The following CCPG1 variants were observed in gnomAD, a reference collection of about 807,000 sequenced individuals.
CCPG1 encodes cell cycle progression 1, also known as cell cycle progression protein 1.
Under a neutral mutation model 81.3 loss-of-function variants are expected in CCPG1, and 46 were observed. The ratio of observed to expected loss-of-function variants is 0.57; its 90% CI spans 0.45 to 0.72. CCPG1 has a LOEUF of 0.72. Ranked by LOEUF, CCPG1 falls within the 30% of genes least tolerant of loss-of-function variation. CCPG1 has a pLI of 0.00. For synonymous variants in CCPG1, 330 were observed against 305.2 expected (o/e 1.08, Z -0.85); for missense variants, 902 against 937.6 (o/e 0.96, Z 0.50).
intron 1 of CCPG1, among the ~76,000 whole-genome samples, chr15:55,391,307 C>T (rs753475669): frequency 2.0e-5 from 3 of 152,074 alleles, no homozygotes; most frequent in East Asian, 1.9e-4. Context: ...GTAGAGACAA[C>T]GTTTGGCCAT....
intron 1 of CCPG1, among the ~76,000 whole-genome samples, chr15:55,405,124 G>C (rs7171766): frequency 6.6e-6 from 1 of 152,072 alleles, no homozygotes; most frequent in East Asian, 1.9e-4. Flanking sequence ...ACTTTAGAAG[G>C]CTGAGGCAGG....
At chr15:55,394,100 C>G (rs542337202) in intron 1 of CCPG1, among the ~76,000 whole-genome samples, 4 of 152,168 alleles carry the variant, frequency 2.6e-5, no homozygotes, top group Non-Finnish European at 5.9e-5. Context: ...AGTAGATGCT[C>G]CCATCTCAGC....
Position 55,359,593 on chromosome 15 carries a change from T to A in CCPG1, c.2180A>T (p.Glu727Val), listed in dbSNP as rs1228660218. ...ACCAAAGAAGTGTCTATATATATAT[T>A]CATCCAACTTCTCAAATACTCCATC... is the stretch of plus-strand genomic sequence containing the variant. ...DNDGVFEKLD[E>V]YIYRHFFGHT... Residue 727 changes from glutamate to valine, a missense_variant, in exon 8 of 9, where the codon GAA (glutamate) becomes GTA (valine). Around this residue, in one of 3 missense-constraint regions of CCPG1, gnomAD observed 128 missense variants for 161.2 expected, o/e 0.79. Transcript: ENST00000442196. 3 of 1,613,112 alleles carry A rather than the reference T, an allele frequency of 1.9e-6. No homozygotes were observed. In the Admixed American group the frequency reaches 5.0e-5, roughly 27 times the overall value.
chr15:55,389,287 A>C, intron 2 of CCPG1, 78 bp downstream of exon 2: 1 of 1,023,890 alleles, frequency 9.8e-7, no homozygotes, highest in Non-Finnish European at 1.5e-6. Context: ...AAAAAGACTG[A>C]TCTTCAAAGA....
chr15:55,367,992 C>A (rs2056366620), intron 6 of CCPG1, among the ~76,000 whole-genome samples: 1 of 152,132 alleles, frequency 6.6e-6, no homozygotes, highest in Admixed American at 6.6e-5. Context: ...TAGCAGGTTA[C>A]TCAATAAATC....
rs967026173 is a variant in CCPG1 at position 55,359,053 on chromosome 15, TATC to T, written c.2234+483_2234+485del. 5.1e-6 allele frequency: 5 copies of T among 984,540 alleles called. No individual in the cohort carries two copies. In the African/African-American group the frequency reaches 8.7e-5, roughly 17 times the overall value. The allele number at this position is 984,540 out of a possible 1,614,324, so 61.0% of individuals were successfully genotyped here. A position where few individuals can be genotyped will look rare whatever the true frequency, so the allele number is the denominator to read the frequency against. On this transcript the variant is annotated intron_variant, in intron 8 of 8. Coordinates refer to ENST00000442196, the MANE Select transcript of CCPG1 (RefSeq NM_001204450.2). ...TATCAAAGATAATTATGTGACTAAG[TATC>T]ATAACTAAGCTGGTACATGGAATGG...
At chr15:55,367,543 G>C (rs1381999041) in intron 6 of CCPG1, among the ~76,000 whole-genome samples, 1 of 151,672 alleles carries the variant, frequency 6.6e-6, no homozygotes, top group Non-Finnish European at 1.5e-5. Context: ...AGAATTCCAA[G>C]CTACAGATCT....
Position 55,372,101 on chromosome 15 carries a change from T to G in CCPG1, c.455-57A>C, listed in dbSNP as rs918834048. ...CAAAATCTTGGAAAAGCTTTCCCAG[T>G]AAAAATTATTTAGAATAATCAATGC... On this transcript the variant is annotated intron_variant, in intron 5 of 8. Transcript: ENST00000442196. 8.5e-6 allele frequency: 13 copies of G among 1,527,802 alleles called. No individual in the cohort carries two copies. The African/African-American group carries it at 1.5e-4, about 18-fold the overall frequency. The allele number at this position is 1,527,802 out of a possible 1,614,324, so 94.6% of individuals were successfully genotyped here.
rs138675116 is a variant in CCPG1, at chr15:55,357,076, G to A, written c.2235-667C>T. 4 of 985,294 alleles carry A rather than the reference G, an allele frequency of 4.1e-6. No individual in the cohort carries two copies. In the African/African-American group the frequency reaches 5.2e-5, roughly 13 times the overall value. The allele number at this position is 985,294 out of a possible 1,614,324, so 61.0% of individuals were successfully genotyped here. A position where few individuals can be genotyped will look rare whatever the true frequency, so the allele number is the denominator to read the frequency against. On this transcript the variant is annotated intron_variant, in intron 8 of 8. Transcript: ENST00000442196. ...CATGGATGTTGGTGTTCTCCCAGGA[G>A]TCTGATAAATATACAGTCTCGGCAA... is the stretch of plus-strand genomic sequence containing the variant.
At chr15:55,372,271 A>T in intron 5 of CCPG1, 1 of 567,208 alleles carries the variant, frequency 1.8e-6, no homozygotes, top group East Asian at 3.0e-5. Context: ...TAATCATACT[A>T]TTTGGTGCTT....
chr15:55,385,690 A>G lies in CCPG1; in HGVS notation c.85T>C (p.Ser29Pro). 6.2e-7 allele frequency: 1 copy of G among 1,608,050 alleles called. No individual in the cohort carries two copies. The highest frequency in any genetic ancestry group is 8.5e-7 in the Non-Finnish European group (1 of 1,174,578). The change falls in exon 3 of 9, where the codon TCT becomes CCT. Residue 29 changes from serine (S) to proline (P), a missense_variant. Physicochemically the swap from Ser to Pro is moderately conservative, Grantham distance 74. Coordinates refer to ENST00000442196, the MANE Select transcript of CCPG1 (RefSeq NM_001204450.2). ...HEGSDIEMLN[S>P]VTPTDSCEPA... The stretch of plus-strand genomic sequence containing the variant: ...TCACAGCTGTCAGTGGGGGTCACAG[A>G]ATTCAACATTTCTATATCTGACCCC...
intron 1 of CCPG1, among the ~76,000 whole-genome samples, chr15:55,392,574 G>T (rs114533576): frequency 1.8e-3 from 273 of 151,948 alleles, no homozygotes; most frequent in African/African-American, 6.4e-3. Context: ...AGGCTGGAGG[G>T]CAGTGACATG....
chr15:55,376,429 A>G (rs1285967787), intron 5 of CCPG1, among the ~76,000 whole-genome samples: 1 of 152,216 alleles, frequency 6.6e-6, no homozygotes, highest in Non-Finnish European at 1.5e-5. Context: ...AATCTAAAAC[A>G]AAAGATCTGA....
chr15:55,388,645 G>C (rs1315012883), intron 2 of CCPG1, among the ~76,000 whole-genome samples: 1 of 152,072 alleles, frequency 6.6e-6, no homozygotes, highest in African/African-American at 2.4e-5. Context: ...TATGCCTATA[G>C]TCCCAGCTAC....
In CCPG1 at chr15:55,377,039, C is replaced by G. The variant is rs1416069835; in HGVS notation, c.364G>C (p.Val122Leu). 6.2e-7 allele frequency: 1 copy of G among 1,613,888 alleles called. No homozygotes were observed. Among genetic ancestry groups the G allele is most frequent in the Admixed American group, 1.7e-5 (1 of 60,022 alleles). Reference protein sequence around the residue: ...PKLEEIGNQEVVIVEEAQSSE... With the variant: ...PKLEEIGNQELVIVEEAQSSE... Reference sequence around the variant, plus strand: ...CTCTGTGCTTCTTCAACAATGACAACTTCTTGATTTCCAATTTCTTCTAAC... The same window carrying G: ...CTCTGTGCTTCTTCAACAATGACAAGTTCTTGATTTCCAATTTCTTCTAAC... The change falls in exon 5 of 9, where the codon GTT becomes CTT. Residue 122 changes from valine to leucine, a missense_variant. Around this residue, in one of 3 missense-constraint regions of CCPG1, gnomAD observed 746 missense variants for 728.6 expected, o/e 1.02. Coordinates refer to ENST00000442196, the MANE Select transcript of CCPG1 (RefSeq NM_001204450.2).
At chr15:55,365,733 A>T (rs1397750332) in intron 6 of CCPG1, among the ~76,000 whole-genome samples, 2 of 151,910 alleles carry the variant, frequency 1.3e-5, no homozygotes, top group African/African-American at 4.8e-5. Flanking sequence ...TAATCTTGAC[A>T]ATCATTTCAT....
chr15:55,362,664 TA>T (rs1168116477), intron 7 of CCPG1, among the ~76,000 whole-genome samples: 1 of 152,196 alleles, frequency 6.6e-6, no homozygotes, highest in Non-Finnish European at 1.5e-5. Flanking sequence ...AAGTGATTGA[TA>T]AGCAGATCCT....
intron 1 of CCPG1, among the ~76,000 whole-genome samples, chr15:55,394,701 T>C (rs1352811701): frequency 6.6e-6 from 1 of 151,982 alleles, no homozygotes; most frequent in East Asian, 1.9e-4. Flanking sequence ...TCTGAATAAA[T>C]ACAGAAATTG....
At chr15:55,398,644 C>T (rs866727534) in intron 1 of CCPG1, among the ~76,000 whole-genome samples, 3 of 151,824 alleles carry the variant, frequency 2.0e-5, no homozygotes, top group Admixed American at 1.3e-4. Context: ...AGCAGTGGCG[C>T]GATCTCGGCT....
Sources: gnomAD v4.1 joint callset for allele counts (sites outside exome capture counted in the v4.1 genomes callset) on GRCh38, gnomAD v4.1.1 for gene constraint, gnomAD v4.1.1 regional missense constraint, MANE v1.5 for transcripts, NCBI Gene and HGNC (gene_info 2026-07-23, HGNC 2026-07-21) for gene names.